The following PLCH1 variants were observed in gnomAD, a reference collection of about 807,000 sequenced individuals.
The protein encoded by PLCH1 is 1-phosphatidylinositol 4,5-bisphosphate phosphodiesterase eta-1.
Under a neutral mutation model 126.7 loss-of-function variants are expected in PLCH1, and 60 were observed. The observed-to-expected ratio is 0.47, with a 90% confidence interval of 0.38 to 0.59. The LOEUF (loss-of-function observed/expected upper bound fraction) is 0.59, where lower values mean the gene tolerates loss of function less well. PLCH1 is among the 20% of genes least tolerant of loss of function. The probability of loss-of-function intolerance (pLI) is 0.00; values close to 1 mark genes in which losing one functional copy is unlikely to be tolerated. For missense variants in PLCH1, 1,723 were observed against 2,040.0 expected (o/e 0.84, Z 2.99); for synonymous variants, 719 against 734.9 (o/e 0.98, Z 0.35).
chr3:155,488,635 A>G, intron 20 of PLCH1, 25 bp downstream of exon 20: 3 of 1,591,892 alleles, frequency 1.9e-6, no homozygotes, highest in Non-Finnish European at 1.7e-6. Context: ...GTCAGTCTAG[A>G]GAGAAAAGGC....
At chr3:155,596,502 G>A in intron 2 of PLCH1, 124 bp from the exon 3 acceptor site, 1 of 680,478 alleles carries the variant, frequency 1.5e-6, no homozygotes, top group Non-Finnish European at 2.3e-6. Flanking sequence ...GAACAAATTT[G>A]GTAGAGGTAA....
intron 2 of PLCH1, among the ~76,000 whole-genome samples, chr3:155,640,116 CT>C (rs1344889386): frequency 1.3e-4 from 20 of 152,196 alleles, no homozygotes; most frequent in African/African-American, 4.8e-4. Flanking sequence ...ACCTCTATCT[CT>C]GCTGATCACT....
chr3:155,651,169 A>G (rs1299287033), intron 2 of PLCH1, among the ~76,000 whole-genome samples: 2 of 152,256 alleles, frequency 1.3e-5, no homozygotes, highest in Non-Finnish European at 2.9e-5. Context: ...AGCACCATTT[A>G]TCAAAATTTC....
At chr3:155,560,985 A>G (rs1480242819) in intron 8 of PLCH1, among the ~76,000 whole-genome samples, 1 of 152,158 alleles carries the variant, frequency 6.6e-6, no homozygotes, top group African/African-American at 2.4e-5. Flanking sequence ...GATATAAACC[A>G]AAAGGCATTA....
At chr3:155,646,837 T>C (rs546458053) in intron 2 of PLCH1, among the ~76,000 whole-genome samples, 1 of 152,340 alleles carries the variant, frequency 6.6e-6, no homozygotes, top group East Asian at 1.9e-4. Context: ...AAACATATCA[T>C]GCTGGGTTTG....
chr3:155,471,991 G>C (rs1713273258), intron 21 of PLCH1, among the ~76,000 whole-genome samples: 2 of 152,026 alleles, frequency 1.3e-5, no homozygotes, highest in Admixed American at 1.3e-4. Flanking sequence ...ATCCAAAATT[G>C]ACACCCCAAC....
chr3:155,451,589 C>G (rs943931384), intron 21 of PLCH1, among the ~76,000 whole-genome samples: 1 of 152,176 alleles, frequency 6.6e-6, no homozygotes, highest in East Asian at 1.9e-4. Flanking sequence ...CTGAATAAAG[C>G]AGATTTCCAT....
intron 6 of PLCH1, among the ~76,000 whole-genome samples, chr3:155,569,789 G>A (rs985428064): frequency 2.0e-5 from 3 of 152,144 alleles, no homozygotes; most frequent in African/African-American, 7.2e-5. Context: ...GTTCAGAAAT[G>A]TAGAGGTCTT....
chr3:155,519,384 T>G (rs186608953), intron 11 of PLCH1, among the ~76,000 whole-genome samples: 128 of 152,280 alleles, frequency 8.4e-4, no homozygotes, highest in African/African-American at 2.9e-3. Context: ...TTTTGAGAGA[T>G]AAATCTGATC....
intron 2 of PLCH1, among the ~76,000 whole-genome samples, chr3:155,626,566 G>A (rs1481126154): frequency 6.6e-6 from 1 of 151,772 alleles, no homozygotes. Context: ...TCAGGAGATC[G>A]AGACCATCCT....
intron 7 of PLCH1, among the ~76,000 whole-genome samples, chr3:155,566,749 T>C (rs1728592757): frequency 6.6e-6 from 1 of 152,156 alleles, no homozygotes; most frequent in South Asian, 2.1e-4. Context: ...TTTCAAAATA[T>C]AATGCCTGGG....
chr3:155,558,474 AC>A (rs1379416132), intron 8 of PLCH1, among the ~76,000 whole-genome samples: 3 of 152,224 alleles, frequency 2.0e-5, no homozygotes, highest in Non-Finnish European at 4.4e-5. Flanking sequence ...TGAACCTTAT[AC>A]ATACACCCTT....
chr3:155,711,214 C>T (rs1018529608), intron 1 of PLCH1, among the ~76,000 whole-genome samples: 56 of 152,042 alleles, frequency 3.7e-4, no homozygotes, highest in Non-Finnish European at 1.3e-4. Context: ...AGCAAATGGA[C>T]TAAAAGTATA....
At chr3:155,512,434 T>G (rs1719711350) in intron 12 of PLCH1, among the ~76,000 whole-genome samples, 1 of 152,132 alleles carries the variant, frequency 6.6e-6, no homozygotes, top group South Asian at 2.1e-4. Flanking sequence ...GTCATAAGAC[T>G]ATAATGGGGA....
In PLCH1 at chr3:155,725,518, G is replaced by A. The variant is rs1418686364; in HGVS notation, c.-41+19322C>T. Among the ~76,000 whole-genome samples the A allele has an allele frequency of 2.7e-5, 4 of 149,784 alleles. No individual in the cohort carries two copies. In the Admixed American group the frequency reaches 2.7e-4, roughly 10 times the overall value. On this transcript the variant is annotated intron_variant, in intron 1 of 22. Transcript: ENST00000460012. ...GCTGGAGTACGATAGTGCGATCTCA[G>A]CTCACTGCAACCTCCACCTCCCACG...
At chr3:155,561,855 C>A (rs1408363536) in intron 8 of PLCH1, among the ~76,000 whole-genome samples, 1 of 152,144 alleles carries the variant, frequency 6.6e-6, no homozygotes, top group Non-Finnish European at 1.5e-5. Context: ...GATCTCGGCT[C>A]ACTGCAACCT....
chr3:155,731,860 A>C (rs1382108708), intron 1 of PLCH1, among the ~76,000 whole-genome samples: 1 of 151,838 alleles, frequency 6.6e-6, no homozygotes, highest in Non-Finnish European at 1.5e-5. Flanking sequence ...GCACACACCT[A>C]TAGTCCCAGC....
Position 155,481,168 on chromosome 3 carries a change from G to A in PLCH1, c.4858C>T (p.Arg1620Cys), listed in dbSNP as rs376864308. ...GCGATGTAGGAGCCGGTGGAGTGGCGATTCACTGCAGGGGTGGGTGCTGAG... is the reference window on the plus strand; with the variant it reads ...GCGATGTAGGAGCCGGTGGAGTGGCAATTCACTGCAGGGGTGGGTGCTGAG... ...KPSAPTPAVN[R>C]HSTGSYIAGY... Residue 1620 changes from arginine (R) to cysteine (C), a missense_variant, in exon 23 of 23, where the codon CGC (arginine) becomes TGC (cysteine). Coordinates refer to ENST00000460012, the MANE Select transcript of PLCH1 (RefSeq NM_014996.4). This position sits in a 1 kb window ranked among gnomAD's most constrained non-coding sequence, Gnocchi z 4.2. 4.5e-5 allele frequency: 72 copies of A among 1,614,094 alleles called. No individual in the cohort carries two copies. In the South Asian group the frequency reaches 5.5e-4, roughly 12 times the overall value.
At position 155,685,589 on chromosome 3, in the gene PLCH1, A is replaced by G. The variant is rs1290139040; in HGVS notation, c.79+18557T>C. Among the ~76,000 whole-genome samples, 3 of 152,208 alleles carry G rather than the reference A, an allele frequency of 2.0e-5. No individual in the cohort carries two copies. In the East Asian group the frequency reaches 5.8e-4, roughly 29 times the overall value. On this transcript the variant is annotated intron_variant, in intron 2 of 22. Transcript: ENST00000460012. ...AGTCAACAGATAAGCAATCAAAAAG[A>G]CTTCAATTCAAATCCTGGTTCTACC...
Sources: allele counts gnomAD v4.1 joint callset (sites outside exome capture counted in the v4.1 genomes callset), GRCh38; gene constraint gnomAD v4.1.1; non-coding constraint Gnocchi (gnomAD v3.1); transcripts MANE v1.5; gene names NCBI Gene and HGNC (gene_info 2026-07-23, HGNC 2026-07-21).